FHIT: variants seen among roughly 807,000 people sequenced by gnomAD.
The protein encoded by FHIT is bis(5'-adenosyl)-triphosphatase.
Under a neutral mutation model 17.9 loss-of-function variants are expected in FHIT, and 19 were observed. The ratio of observed to expected loss-of-function variants is 1.06; its 90% CI spans 0.74 to 1.56. FHIT has a LOEUF of 1.56. Among genes scored for constraint, FHIT ranks in the 40% most tolerant of loss-of-function variants. The probability of loss-of-function intolerance (pLI) is 0.00; values close to 1 mark genes in which losing one functional copy is unlikely to be tolerated. For missense variants in FHIT, 248 were observed against 189.2 expected, an observed-to-expected ratio of 1.31 and a Z score of -1.82; for synonymous variants, 81 against 69.7, an observed-to-expected ratio of 1.16 and a Z score of -0.81.
rs977564172 is a variant in FHIT, at chr3:61,136,685, A to G, written c.-164+63932T>C. On this transcript the variant is annotated intron_variant, in intron 2 of 9. Coordinates refer to ENST00000492590, the MANE Select transcript of FHIT (RefSeq NM_002012.4). ...GCAGAGACTGGGATACCAGATCCTGAGTTCCTCAAAGGCAGGAGTGTCCAA... is the reference window on the plus strand; with the variant it reads ...GCAGAGACTGGGATACCAGATCCTGGGTTCCTCAAAGGCAGGAGTGTCCAA... Among the ~76,000 whole-genome samples the G allele has an allele frequency of 6.6e-5, 10 of 152,354 alleles. No individual in the cohort carries two copies. The South Asian group carries it at 2.1e-3, about 32-fold the overall frequency.
chr3:60,325,989 C>G (rs961696123), intron 5 of FHIT, among the ~76,000 whole-genome samples: 6 of 152,058 alleles, frequency 3.9e-5, no homozygotes, highest in Non-Finnish European at 8.8e-5. Context: ...TACTATCAAG[C>G]GAGGGCACTT....
At chr3:61,209,297 G>C (rs2039370733) in intron 1 of FHIT, among the ~76,000 whole-genome samples, 1 of 152,114 alleles carries the variant, frequency 6.6e-6, no homozygotes, top group African/African-American at 2.4e-5. Flanking sequence ...GAAGTGTCTT[G>C]GAGTTGCTCT....
chr3:60,431,093 T>C (rs545896730), intron 5 of FHIT, among the ~76,000 whole-genome samples: 4 of 151,840 alleles, frequency 2.6e-5, no homozygotes, highest in African/African-American at 9.7e-5. Context: ...GCACCTATGG[T>C]CTAAACTACT....
intron 4 of FHIT, chr3:60,690,741 A>G (rs1320259797): frequency 2.5e-6 from 1 of 395,990 alleles, no homozygotes; most frequent in Non-Finnish European, 5.0e-6. Context: ...CGGGGCTCCC[A>G]GTGGCAGCAC....
At chr3:60,947,106 A>G (rs972611603) in intron 3 of FHIT, among the ~76,000 whole-genome samples, 2 of 152,192 alleles carry the variant, frequency 1.3e-5, no homozygotes, top group African/African-American at 2.4e-5. Context: ...GGGCAAGGGC[A>G]GGTATGAGTC....
intron 3 of FHIT, among the ~76,000 whole-genome samples, chr3:61,033,993 G>A (rs894974123): frequency 2.0e-5 from 3 of 152,130 alleles, no homozygotes; most frequent in Admixed American, 2.0e-4. Context: ...CTCAACTAAG[G>A]TACCAAGTCA....
intron 2 of FHIT, among the ~76,000 whole-genome samples, chr3:61,153,815 A>T (rs1037707776): frequency 3.9e-5 from 6 of 152,204 alleles, no homozygotes; most frequent in Non-Finnish European, 5.9e-5. Flanking sequence ...GCCTCGAGGT[A>T]TGTTTACAAT....
intron 5 of FHIT, among the ~76,000 whole-genome samples, chr3:60,120,757 C>G (rs886139756): frequency 6.6e-6 from 1 of 152,136 alleles, no homozygotes; most frequent in Non-Finnish European, 1.5e-5. Context: ...CTCTCTTCTG[C>G]AGGATCCTAA....
At chr3:59,994,855 C>T (rs1017554842) in intron 7 of FHIT, among the ~76,000 whole-genome samples, 1 of 152,088 alleles carries the variant, frequency 6.6e-6, no homozygotes, top group Admixed American at 6.6e-5. Context: ...TTCACCTTGT[C>T]TATGCACTAA....
intron 4 of FHIT, among the ~76,000 whole-genome samples, chr3:60,653,235 G>A (rs897528303): frequency 5.9e-5 from 9 of 152,056 alleles, no homozygotes; most frequent in Non-Finnish European, 1.3e-4. Context: ...ATAAAATCTA[G>A]TTAATATCGT....
At chr3:60,154,494 G>A (rs930330591) in intron 5 of FHIT, among the ~76,000 whole-genome samples, 1 of 152,108 alleles carries the variant, frequency 6.6e-6, no homozygotes, top group Non-Finnish European at 1.5e-5. Flanking sequence ...ATCCCATCAA[G>A]GAATCATTTA....
chr3:59,975,735 G>A (rs1443887505), intron 7 of FHIT, among the ~76,000 whole-genome samples: 13 of 152,028 alleles, frequency 8.6e-5, no homozygotes, highest in Admixed American at 8.5e-4. Flanking sequence ...CTTGGTTAAG[G>A]TGGGTTCTGT....
At position 60,821,107 on chromosome 3, in the gene FHIT, C is replaced by T. The variant is rs112062931; in HGVS notation, c.-18+812G>A. Among the ~76,000 whole-genome samples the T allele has an allele frequency of 5.6e-3, 850 of 152,084 alleles. 9 individuals carry two copies. The highest frequency in any genetic ancestry group is 0.019 in the African/African-American group (805 of 41,458). ...TCTCCTGCCTCAGCCTCCTGAGTAG[C>T]TGGGATTACAGACACCTGCTACCAC... On this transcript the variant is annotated intron_variant, in intron 4 of 9. Transcript: ENST00000492590.
At chr3:60,690,630 T>A in intron 4 of FHIT, 2 of 524,410 alleles carry the variant, frequency 3.8e-6, no homozygotes, top group Non-Finnish European at 3.9e-6. Context: ...CTGCTGTCTT[T>A]GGAAGCTTGT....
intron 7 of FHIT, among the ~76,000 whole-genome samples, chr3:59,989,902 C>T (rs1457817108): frequency 6.6e-6 from 1 of 152,068 alleles, no homozygotes; most frequent in Non-Finnish European, 1.5e-5. Flanking sequence ...AGGGGTTCCT[C>T]CCCACTCTTC....
chr3:59,808,096 C>CA (rs1375750160), intron 8 of FHIT, among the ~76,000 whole-genome samples: 1 of 152,138 alleles, frequency 6.6e-6, no homozygotes, highest in African/African-American at 2.4e-5. Context: ...TTCCCCTACC[C>CA]CCCCAGTCCC....
chr3:60,529,001 T>C (rs1472965300), intron 5 of FHIT, among the ~76,000 whole-genome samples: 1 of 152,178 alleles, frequency 6.6e-6, no homozygotes, highest in South Asian at 2.1e-4. Flanking sequence ...TGCAGGCAGA[T>C]ACAAGCTAAA....
At chr3:59,942,786 C>A (rs1706591333) in intron 7 of FHIT, among the ~76,000 whole-genome samples, 1 of 152,030 alleles carries the variant, frequency 6.6e-6, no homozygotes, top group African/African-American at 2.4e-5. Context: ...AAAGCTTGGA[C>A]TACAGGCATG....
intron 4 of FHIT, among the ~76,000 whole-genome samples, chr3:60,802,402 A>G (rs1701223707): frequency 1.3e-5 from 2 of 152,228 alleles, no homozygotes; most frequent in Non-Finnish European, 2.9e-5. Context: ...CAGATACATC[A>G]TAAATTAAAG....
Sources: gnomAD v4.1 joint callset for allele counts (sites outside exome capture counted in the v4.1 genomes callset) on GRCh38, gnomAD v4.1.1 for gene constraint, MANE v1.5 for transcripts, NCBI Gene and HGNC (gene_info 2026-07-23, HGNC 2026-07-21) for gene names.